Variants in PLEKHG5 observed in about 807,000 individuals in gnomAD.
PLEKHG5 encodes pleckstrin homology domain-containing family G member 5.
A neutral mutation model predicts 103.8 loss-of-function variants in PLEKHG5; 52 were observed. The ratio of observed to expected loss-of-function variants is 0.50; its 90% CI spans 0.40 to 0.63. PLEKHG5 has a LOEUF of 0.63. Among genes scored for constraint, PLEKHG5 ranks in the 30% least tolerant of loss-of-function variants. The pLI is 0.00. For synonymous variants in PLEKHG5, 592 were observed against 575.5 expected (o/e 1.03, Z -0.41); for missense variants, 1,205 against 1,347.6 (o/e 0.89, Z 1.66).
At chr1:6,492,760 G>A (rs1032513305), upstream of PLEKHG5, among the ~76,000 whole-genome samples, 3 of 152,118 alleles carry the variant, frequency 2.0e-5, no homozygotes, top group African/African-American at 7.2e-5. Context: ...AAGTAGGTTT[G>A]ATCCTGGAGC....
chr1:6,472,533 G>T lies in PLEKHG5; in HGVS notation c.1074C>A (p.Ile358=). The T allele has an allele frequency of 6.2e-7, 1 of 1,610,408 alleles. No individual in the cohort carries two copies. Among genetic ancestry groups the T allele is most frequent in the Non-Finnish European group, 8.5e-7 (1 of 1,176,898 alleles). The change falls in exon 10 of 21, where the codon ATC becomes ATA. Residue 358 remains isoleucine (I), a synonymous_variant. Transcript: ENST00000377728. ...CAGCGCAGCCCCTACTCACGTTGAT[G>T]ATCACCCGCAGTTTCCTGATGTAGG... is the stretch of plus-strand genomic sequence containing the variant. ...EASYIRKLRV[I]INLFLCCLLN... is the part of the protein sequence containing the mutation.
At chr1:6,479,243 T>C (rs149576489) in intron 1 of PLEKHG5, among the ~76,000 whole-genome samples, 2 of 151,504 alleles carry the variant, frequency 1.3e-5, no homozygotes, top group African/African-American at 4.8e-5. Flanking sequence ...TAGGAACTAA[T>C]CAAGTTTCAC....
rs2148616613 is a variant in PLEKHG5 at position 6,487,074 on chromosome 1, G to C, written c.-88+4563C>G. ...GGCTGTCTCCACTCCCAAAGCCCAGGTCACCCACTGTCTACACCACAGGCA... is the reference window on the plus strand; with the variant it reads ...GGCTGTCTCCACTCCCAAAGCCCAGCTCACCCACTGTCTACACCACAGGCA... On this transcript the variant is annotated intron_variant, in intron 1 of 20. Transcript: ENST00000377728. This position sits in a 1 kb window ranked among gnomAD's most constrained non-coding sequence, Gnocchi z 4.1. Among the ~76,000 whole-genome samples, 1 of 152,290 alleles carries C rather than the reference G, an allele frequency of 6.6e-6. No individual in the cohort carries two copies. Among genetic ancestry groups the C allele is most frequent in the South Asian group, 2.1e-4 (1 of 4,828 alleles).
Position 6,468,005 on chromosome 1 carries a change from C to T in PLEKHG5, c.2831G>A (p.Cys944Tyr). 1 of 1,553,128 alleles carries T rather than the reference C, an allele frequency of 6.4e-7. No individual in the cohort carries two copies. ...GGAGCCTGCAGGTTCCCCGGCCAGGCAGCCGACTAGCCCAGGACCGCTGCC... is the reference window on the plus strand; with the variant it reads ...GGAGCCTGCAGGTTCCCCGGCCAGGTAGCCGACTAGCCCAGGACCGCTGCC... ...SPGSGPGLVG[C>Y]LAGEPAGSHR... is the part of the protein sequence containing the mutation. The change falls in exon 20 of 21, where the codon TGC (cysteine) becomes TAC (tyrosine). Residue 944 changes from cysteine (C) to tyrosine (Y), a missense_variant. By Grantham distance (194) the Cys-to-Tyr change is radical. Transcript: ENST00000377728.
upstream of PLEKHG5, among the ~76,000 whole-genome samples, chr1:6,492,697 A>G (rs940706088): frequency 7.2e-5 from 11 of 152,116 alleles, 1 homozygote; most frequent in Admixed American, 7.2e-4. Context: ...CAGATGAGGA[A>G]CCTGGGGTTC....
chr1:6,474,978 C>T (rs1039493628), intron 5 of PLEKHG5, 69 bp downstream of exon 5: 25 of 953,268 alleles, frequency 2.6e-5, no homozygotes, highest in South Asian at 5.1e-5. Flanking sequence ...TGCAGAGACC[C>T]GGAGCCTGCA....
intron 15 of PLEKHG5, 23 bp downstream of exon 15, chr1:6,470,483 C>A: frequency 1.9e-6 from 3 of 1,610,726 alleles, no homozygotes; most frequent in Non-Finnish European, 2.5e-6. Context: ...CAGCCGGCAA[C>A]CCCCGCAGAC....
intron 1 of PLEKHG5, among the ~76,000 whole-genome samples, chr1:6,510,142 G>T (rs1488949584): frequency 6.6e-6 from 1 of 152,212 alleles, no homozygotes; most frequent in African/African-American, 2.4e-5. Flanking sequence ...GCCATGCTGT[G>T]GGTGAGTGTT....
chr1:6,467,275 G>C lies in PLEKHG5; in HGVS notation c.*288C>G. 2 of 573,068 alleles carry C rather than the reference G, an allele frequency of 3.5e-6. No individual in the cohort carries two copies. The highest frequency in any genetic ancestry group is 3.2e-6 in the Non-Finnish European group (1 of 315,796). The allele number at this position is 573,068 out of a possible 1,614,324, so 35.5% of individuals were successfully genotyped here. On this transcript the variant is annotated 3_prime_UTR_variant, in exon 21 of 21. Coordinates refer to ENST00000377728, the MANE Select transcript of PLEKHG5 (RefSeq NM_020631.6). ...TGGAGGCCAGTGAGGGTAGAAGTAGGATGGGCAGCCTAGGAGCCCAGCCCT... is the reference window on the plus strand; with the variant it reads ...TGGAGGCCAGTGAGGGTAGAAGTAGCATGGGCAGCCTAGGAGCCCAGCCCT...
chr1:6,497,637 GT>G (rs2148628583), upstream of PLEKHG5, among the ~76,000 whole-genome samples: 2 of 152,182 alleles, frequency 1.3e-5, no homozygotes, highest in Admixed American at 1.3e-4. This position sits in a 1 kb window ranked among gnomAD's most constrained non-coding sequence, Gnocchi z 6.1. Flanking sequence ...GCACGGCTCT[GT>G]CCTGGAGGGT....
exon 1 of PLEKHG5, chr1:6,519,745 C>T: frequency 1.7e-6 from 1 of 602,862 alleles, no homozygotes; most frequent in East Asian, 2.8e-5. Flanking sequence ...ACACAGGTCC[C>T]CTGGGCGCTG....
intron 1 of PLEKHG5, among the ~76,000 whole-genome samples, chr1:6,480,783 G>A (rs1461821682): frequency 6.6e-6 from 1 of 151,716 alleles, no homozygotes; most frequent in Non-Finnish European, 1.5e-5. Context: ...CAAGTAGCTG[G>A]GACTACAGGC....
intron 2 of PLEKHG5, 57 bp downstream of exon 2, chr1:6,477,472 C>T: frequency 6.3e-7 from 1 of 1,586,282 alleles, no homozygotes; most frequent in Non-Finnish European, 8.6e-7. Flanking sequence ...CCGACAGTTA[C>T]TGAAACACTG....
intron 3 of PLEKHG5, 129 bp from the exon 4 acceptor site, chr1:6,475,651 C>T: frequency 1.2e-6 from 1 of 831,882 alleles, no homozygotes; most frequent in Non-Finnish European, 2.0e-6. Context: ...TGGATTCAAC[C>T]CGGCCAGGCC....
chr1:6,512,113 C>A (rs1638489284), intron 1 of PLEKHG5, among the ~76,000 whole-genome samples: 1 of 152,198 alleles, frequency 6.6e-6, no homozygotes, highest in Non-Finnish European at 1.5e-5. Flanking sequence ...CACCATCACC[C>A]CGTTTTACAG....
chr1:6,495,424 C>CG (rs1244018020), upstream of PLEKHG5, among the ~76,000 whole-genome samples: 1 of 151,864 alleles, frequency 6.6e-6, no homozygotes, highest in Non-Finnish European at 1.5e-5. Flanking sequence ...GGGAGGGGAG[C>CG]GGGGGGTGGG....
Position 6,501,732 on chromosome 1 carries a change from C to G in PLEKHG5, c.-164-5163G>C, listed in dbSNP as rs1410586062. 6.6e-6 allele frequency among the ~76,000 whole-genome samples: 1 copy of G among 152,194 alleles called. No homozygotes were observed. The highest frequency in any genetic ancestry group is 2.4e-5 in the African/African-American group (1 of 41,438). On this transcript the variant is annotated intron_variant, in intron 1 of 21. Coordinates refer to the PLEKHG5 transcript ENST00000377740. This position sits in a 1 kb window ranked among gnomAD's most constrained non-coding sequence, Gnocchi z 4.3. ...TAAGCCTCCAAGCCTGTGCTCCTAA[C>G]CGCCAGGCTACAGTGCTCCCATGGG... is the stretch of plus-strand genomic sequence containing the variant.
Position 6,505,942 on chromosome 1 carries a change from T to A in PLEKHG5, c.-164-9373A>T, listed in dbSNP as rs955418211. 1 of 152,498 alleles carries A rather than the reference T, an allele frequency of 6.6e-6. No homozygotes were observed. Among genetic ancestry groups the A allele is most frequent in the South Asian group, 2.1e-4 (1 of 4,830 alleles). 9.4% of individuals were successfully genotyped at this position (152,498 alleles called of 1,614,324 possible). ...CAAGTGACTGTCAGCAGCATGTGTG[T>A]GTGAATGGGCTACAGGCCCTGGCTG... On this transcript the variant is annotated intron_variant, in intron 1 of 21. Transcript: ENST00000377740. This position sits in a 1 kb window ranked among gnomAD's most constrained non-coding sequence, Gnocchi z 4.2.
At position 6,471,026 on chromosome 1, in the gene PLEKHG5, C is replaced by T. The variant is rs775124601; in HGVS notation, c.1356G>A (p.Leu452=). The change falls in exon 13 of 21, where the codon CTG becomes CTA. Residue 452 remains leucine (L), a synonymous_variant. Transcript: ENST00000377728. ...EEGCMEYMRG[L]LRDNDLFRAY... ...CCCGGAAGAGGTCGTTGTCGCGCAG[C>T]AGGCCGCGCATGTACTCCATGCAGC... 43 of 1,606,470 alleles carry T rather than the reference C, an allele frequency of 2.7e-5. No individual in the cohort carries two copies. In the Admixed American group the frequency reaches 6.9e-4, roughly 26 times the overall value.
Sources: allele counts gnomAD v4.1 joint callset (sites outside exome capture counted in the v4.1 genomes callset), GRCh38; gene constraint gnomAD v4.1.1; non-coding constraint Gnocchi (gnomAD v3.1); transcripts MANE v1.5; gene names NCBI Gene and HGNC (gene_info 2026-07-23, HGNC 2026-07-21).